Variants in FAM53A observed in about 807,000 individuals in gnomAD.
FAM53A encodes family with sequence similarity 53 member A.
Under a neutral mutation model 26.6 loss-of-function variants are expected in FAM53A, and 28 were observed. The observed-to-expected ratio is 1.05, with a 90% confidence interval of 0.78 to 1.45. The LOEUF is 1.45. Ranked by LOEUF, FAM53A falls within the 40% of genes most tolerant of loss-of-function variation. FAM53A has a pLI of 0.00. For missense variants in FAM53A, 650 were observed against 575.8 expected, an observed-to-expected ratio of 1.13 and a Z score of -1.32; for synonymous variants, 290 against 253.1, an observed-to-expected ratio of 1.15 and a Z score of -1.38.
the FAM53A span, among the ~76,000 whole-genome samples, chr4:1,586,796 A>T: frequency 6.6e-6 from 1 of 151,042 alleles, no homozygotes; most frequent in African/African-American, 2.4e-5. Flanking sequence ...AAAAAAAAAA[A>T]AAGAAGAAGA....
chr4:1,682,946 C>T (rs1428556560), intron 1 of FAM53A, among the ~76,000 whole-genome samples: 1 of 152,150 alleles, frequency 6.6e-6, no homozygotes, highest in African/African-American at 2.4e-5. Flanking sequence ...CCCTCAAAGT[C>T]GCAACACAGA....
rs149269189 is a variant in FAM53A at position 1,649,176 on chromosome 4, A to AGGGAAGGGGAAG, written c.882+5790_882+5801dup. On this transcript the variant is annotated intron_variant, in intron 4 of 4. Transcript: ENST00000308132. ...AGGGGAAAGGGAAGGGGAAAGGGAAAGGGAAGGGGAAGGGGAAGGGGAAAG... is the reference window on the plus strand; with the variant it reads ...AGGGGAAAGGGAAGGGGAAAGGGAAAGGGAAGGGGAAGGGGAAGGGGAAGGGGAAGGGGAAAG... 2.7e-3 allele frequency among the ~76,000 whole-genome samples: 288 copies of AGGGAAGGGGAAG among 106,074 alleles called. 4 individuals are homozygous for AGGGAAGGGGAAG. The highest frequency in any genetic ancestry group is 0.014 in the Middle Eastern group (3 of 216). 69.6% of individuals were successfully genotyped at this position (106,074 alleles called of 152,430 possible). A position where few individuals can be genotyped will look rare whatever the true frequency, so the allele number is the denominator to read the frequency against.
At chr4:1,674,559 C>T (rs1207693335) in intron 1 of FAM53A, among the ~76,000 whole-genome samples, 2 of 151,876 alleles carry the variant, frequency 1.3e-5, no homozygotes, top group Non-Finnish European at 2.9e-5. Flanking sequence ...GTCCCAGCTA[C>T]TTGGGAGGCT....
At chr4:1,674,163 T>C (rs1160309495) in intron 1 of FAM53A, among the ~76,000 whole-genome samples, 1 of 152,206 alleles carries the variant, frequency 6.6e-6, no homozygotes, top group Non-Finnish European at 1.5e-5. Context: ...AGGGGGAACC[T>C]GTTCCAGGAC....
At chr4:1,670,853 G>A (rs1432718766) in intron 1 of FAM53A, among the ~76,000 whole-genome samples, 1 of 152,162 alleles carries the variant, frequency 6.6e-6, no homozygotes, top group African/African-American at 2.4e-5. Flanking sequence ...AGTAACTGGG[G>A]TGCCAGCTCA....
chr4:1,668,700 C>G lies in FAM53A; in HGVS notation c.42G>C (p.Leu14=), dbSNP rs773125543. 7.6e-5 allele frequency: 122 copies of G among 1,614,076 alleles called. No individual in the cohort carries two copies. The highest frequency in any genetic ancestry group is 2.6e-5 in the Non-Finnish European group (31 of 1,180,046). ...CCTCCGCCTTGCAGGTGAGGTCGTC[C>G]AGGCTCTGGCTCTGCAGCTTCTCAG... ...LITEKLQSQS[L]DDLTCKAEAG... The change falls in exon 2 of 5, where the codon CTG becomes CTC. Residue 14 remains leucine (L), a synonymous_variant. Coordinates refer to ENST00000308132, the MANE Select transcript of FAM53A (RefSeq NM_001174070.3).
intron 2 of FAM53A, 90 bp downstream of exon 2, chr4:1,668,577 T>G: frequency 6.7e-7 from 1 of 1,484,280 alleles, no homozygotes; most frequent in Non-Finnish European, 9.3e-7. Context: ...CCTGAGAACT[T>G]AGCCCTCACC....
intron 2 of FAM53A, among the ~76,000 whole-genome samples, chr4:1,664,366 A>G (rs1171011686): frequency 6.6e-6 from 1 of 152,174 alleles, no homozygotes; most frequent in Non-Finnish European, 1.5e-5. Context: ...TTGCTCACTG[A>G]GGCCGGGCCA....
At chr4:1,598,920 G>A in the FAM53A span, among the ~76,000 whole-genome samples, 3 of 152,264 alleles carry the variant, frequency 2.0e-5, no homozygotes, top group African/African-American at 7.2e-5. Flanking sequence ...AAATATACTT[G>A]TAATTGGGTT....
the FAM53A span, among the ~76,000 whole-genome samples, chr4:1,594,083 G>T: frequency 6.6e-6 from 1 of 152,100 alleles, no homozygotes; most frequent in Non-Finnish European, 1.5e-5. Flanking sequence ...GGCGCCGCGG[G>T]CCCCAGGTCC....
At chr4:1,625,345 C>T (rs1715241748) in intron 1 of FAM53A, among the ~76,000 whole-genome samples, 1 of 36,910 alleles carries the variant, frequency 2.7e-5, no homozygotes, top group Non-Finnish European at 4.6e-5. Context: ...ACCAGGTGAT[C>T]AGAAGGCCCC....
Position 1,630,303 on chromosome 4 carries a change from T to C in FAM53A, c.432-12192A>G, listed in dbSNP as rs1278388606. 6.6e-6 allele frequency among the ~76,000 whole-genome samples: 1 copy of C among 152,196 alleles called. No homozygotes were observed. The highest frequency in any genetic ancestry group is 1.5e-5 in the Non-Finnish European group (1 of 68,034). ...GTGACCAGGGGGTCAGAGCCCACCT[T>C]GGTGTTGTGGCCCCCATGGTGTCTG... On this transcript the variant is annotated intron_variant, in intron 1 of 1. Transcript: ENST00000489029. This position sits in a 1 kb window ranked among gnomAD's most constrained non-coding sequence, Gnocchi z 4.3.
intron 1 of FAM53A, among the ~76,000 whole-genome samples, chr4:1,619,197 T>C (rs138249322): frequency 1.1e-4 from 16 of 152,350 alleles, no homozygotes; most frequent in African/African-American, 3.8e-4. Flanking sequence ...AACGAGTCAC[T>C]GAACTTTGCA....
At chr4:1,574,319 CT>C in the FAM53A span, 1 of 152,510 alleles carries the variant, frequency 6.6e-6, no homozygotes, top group Admixed American at 6.5e-5. Flanking sequence ...TTTGGGGGCA[CT>C]GCTTGACATC....
intron 2 of FAM53A, among the ~76,000 whole-genome samples, chr4:1,658,147 A>C (rs1388674142): frequency 6.6e-6 from 1 of 151,284 alleles, no homozygotes; most frequent in African/African-American, 2.4e-5. Context: ...AGTAGCTGGG[A>C]CTACAGAAAG....
At chr4:1,577,317 G>T in the FAM53A span, among the ~76,000 whole-genome samples, 1 of 152,230 alleles carries the variant, frequency 6.6e-6, no homozygotes, top group Non-Finnish European at 1.5e-5. Flanking sequence ...GGCCCTGGAG[G>T]TCCTCTCCCA....
chr4:1,652,031 G>A (rs189218976), intron 4 of FAM53A, among the ~76,000 whole-genome samples: 7 of 48,196 alleles, frequency 1.5e-4, no homozygotes, highest in East Asian at 4.0e-4. Context: ...CACCACACAC[G>A]CCACACACAC....
the FAM53A span, among the ~76,000 whole-genome samples, chr4:1,607,944 A>T: frequency 1.3e-5 from 2 of 151,392 alleles, no homozygotes; most frequent in African/African-American, 4.9e-5. Flanking sequence ...CCGTCTCAAA[A>T]AAAAAAAAAA....
the FAM53A span, among the ~76,000 whole-genome samples, chr4:1,595,989 A>G: frequency 1.3e-5 from 2 of 152,204 alleles, no homozygotes; most frequent in Non-Finnish European, 2.9e-5. Context: ...GGGGACCAGC[A>G]CCACCATCTT....
Sources: gnomAD v4.1 joint callset for allele counts (sites outside exome capture counted in the v4.1 genomes callset) on GRCh38, gnomAD v4.1.1 for gene constraint, Gnocchi (gnomAD v3.1) non-coding constraint, MANE v1.5 for transcripts, NCBI Gene and HGNC (gene_info 2026-07-23, HGNC 2026-07-21) for gene names.